IREB2: variants seen among roughly 807,000 people sequenced by gnomAD.
IREB2 encodes iron responsive element binding protein 2, also known as iron-responsive element-binding protein 2.
In IREB2, 39 loss-of-function variants were observed where a neutral mutation model predicts 118.8. The ratio of observed to expected loss-of-function variants is 0.33; its 90% CI spans 0.25 to 0.43. The LOEUF (loss-of-function observed/expected upper bound fraction) is 0.43, where lower values mean the gene tolerates loss of function less well. IREB2 is among the 20% of genes least tolerant of loss of function. IREB2 has a pLI of 1.00. For missense variants in IREB2, 900 were observed against 1,147.3 expected (o/e 0.78, Z 3.11); for synonymous variants, 372 against 392.2 (o/e 0.95, Z 0.61).
chr15:78,462,497 T>C (rs1402534614), intron 2 of IREB2, among the ~76,000 whole-genome samples: 1 of 152,220 alleles, frequency 6.6e-6, no homozygotes, highest in Non-Finnish European at 1.5e-5. Context: ...TGATGGAAAA[T>C]TTTAAATTTA....
intron 1 of IREB2, 23 bp from the exon 2 acceptor site, chr15:78,439,772 T>A: frequency 7.3e-7 from 1 of 1,363,714 alleles, no homozygotes; most frequent in Non-Finnish European, 1.0e-6. Context: ...CTGCATTTAA[T>A]GAAAATACAA....
upstream of IREB2, among the ~76,000 whole-genome samples, chr15:78,437,918 C>T (rs530450756): frequency 5.9e-5 from 9 of 152,244 alleles, no homozygotes; most frequent in Non-Finnish European, 1.0e-4. Context: ...CCAACAGACA[C>T]CTTGCGGGAA....
intron 1 of IREB2, 59 bp downstream of exon 1, chr15:78,438,415 C>A: frequency 6.4e-7 from 1 of 1,559,948 alleles, no homozygotes; most frequent in South Asian, 1.2e-5. Context: ...GCCTAGGCGC[C>A]GAATTCCTTG....
chr15:78,501,279 TA>T lies in IREB2; in HGVS notation c.*3137del, dbSNP rs2141541947. 1 of 152,684 alleles carries T rather than the reference TA, an allele frequency of 6.5e-6. No individual in the cohort carries two copies. The highest frequency in any genetic ancestry group is 2.1e-4 in the South Asian group (1 of 4,830). The allele number at this position is 152,684 out of a possible 1,614,324, so 9.5% of individuals were successfully genotyped here. On this transcript the variant is annotated 3_prime_UTR_variant, in exon 22 of 22. Transcript: ENST00000258886. ...AATCACTTTGTCTATCACTAAGTAA[TA>T]GACAAAAATCATTGTCTATTATTTA...
At chr15:78,438,657 C>G in intron 1 of IREB2, 1 of 486,670 alleles carries the variant, frequency 2.1e-6, no homozygotes, top group Non-Finnish European at 3.7e-6. Flanking sequence ...TTCCTGGCCC[C>G]CGTCAGCAAC....
In IREB2 at chr15:78,488,773, TA is replaced by T; in HGVS notation, c.2076+4del. 1 of 1,463,360 alleles carries T rather than the reference TA, an allele frequency of 6.8e-7. No homozygotes were observed. The highest frequency in any genetic ancestry group is 9.5e-7 in the Non-Finnish European group (1 of 1,052,588). 90.6% of individuals were successfully genotyped at this position (1,463,360 alleles called of 1,614,324 possible). The stretch of plus-strand genomic sequence containing the variant: ...AAAGCATTAAAAGATAAAATAGAAG[TA>T]AGAGTCTTATGTGTTTCTTAAATAG... On this transcript the variant is annotated splice_donor_region_variant and intron_variant, in intron 16 of 21. Transcript: ENST00000258886.
At chr15:78,443,178 A>G (rs1240359989) in intron 2 of IREB2, among the ~76,000 whole-genome samples, 2 of 152,200 alleles carry the variant, frequency 1.3e-5, no homozygotes, top group African/African-American at 2.4e-5. Flanking sequence ...ATAATAACTA[A>G]TAATAAAATA....
At chr15:78,437,840 T>G (rs540872864), upstream of IREB2, 1 of 160,002 alleles carries the variant, frequency 6.2e-6, no homozygotes, top group South Asian at 1.5e-4. Context: ...AATGCAAGGC[T>G]TTATAGTTAG....
rs1369780672 is a variant in IREB2, at chr15:78,483,505, AC to A, written c.1413+74del. 19 of 811,242 alleles carry A rather than the reference AC, an allele frequency of 2.3e-5. No homozygotes were observed. In the Admixed American group the frequency reaches 3.5e-4, roughly 15 times the overall value. 50.3% of individuals were successfully genotyped at this position (811,242 alleles called of 1,614,324 possible). On this transcript the variant is annotated intron_variant, in intron 11 of 21. Transcript: ENST00000258886. ...TAAGTAGTAAAGAACCAACAAGGTG[AC>A]CCATAAACTCAATTCACTGCTATGT...
At chr15:78,495,961 G>T (rs1236522615) in intron 20 of IREB2, among the ~76,000 whole-genome samples, 1 of 152,150 alleles carries the variant, frequency 6.6e-6, no homozygotes, top group Non-Finnish European at 1.5e-5. Context: ...TTTTTCCAGA[G>T]AATAAACCTC....
intron 3 of IREB2, among the ~76,000 whole-genome samples, chr15:78,464,184 C>G (rs1224257372): frequency 3.3e-5 from 5 of 152,238 alleles, no homozygotes; most frequent in Non-Finnish European, 7.3e-5. Flanking sequence ...GTTCTTTACA[C>G]AGTAGATGGA....
intron 20 of IREB2, among the ~76,000 whole-genome samples, chr15:78,496,870 T>C (rs1459360706): frequency 1.3e-5 from 2 of 152,114 alleles, no homozygotes; most frequent in South Asian, 2.1e-4. Flanking sequence ...AGAGCTCTTA[T>C]GATGTGGTAG....
intron 2 of IREB2, among the ~76,000 whole-genome samples, chr15:78,453,086 G>C (rs146733852): frequency 6.6e-6 from 1 of 152,312 alleles, no homozygotes; most frequent in South Asian, 2.1e-4. Flanking sequence ...AGAGCAAGAC[G>C]CTATCGTGTA....
chr15:78,474,087 A>T (rs1157637837), intron 8 of IREB2: 7 of 152,236 alleles, frequency 4.6e-5, no homozygotes. Flanking sequence ...TGTTAAGCAT[A>T]TTAATACACA....
In IREB2 at chr15:78,465,264, A is replaced by G. The variant is rs1042968641; in HGVS notation, c.286A>G (p.Met96Val). The change falls in exon 4 of 22, where the codon ATG (methionine) becomes GTG (valine). Residue 96 changes from methionine to valine, a missense_variant. Coordinates refer to ENST00000258886, the MANE Select transcript of IREB2 (RefSeq NM_004136.4). ...LLQDFTGIPA[M>V]VDFAAMREAV... ...TTTATTTTTTAGTGGAATACCAGCA[A>G]TGGTGGATTTTGCTGCTATGAGGGA... is the stretch of plus-strand genomic sequence containing the variant. 9 of 1,609,842 alleles carry G rather than the reference A, an allele frequency of 5.6e-6. No individual in the cohort carries two copies. The highest frequency in any genetic ancestry group is 7.6e-6 in the Non-Finnish European group (9 of 1,178,680).
At chr15:78,486,632 G>GT in intron 13 of IREB2, among the ~76,000 whole-genome samples, 1 of 152,140 alleles carries the variant, frequency 6.6e-6, no homozygotes, top group East Asian at 1.9e-4. Context: ...AGTAACCTAT[G>GT]TTTTTTATGT....
intron 21 of IREB2, 76 bp from the exon 22 acceptor site, chr15:78,497,957 A>G: frequency 1.3e-6 from 1 of 771,192 alleles, no homozygotes; most frequent in Admixed American, 2.1e-5. Context: ...TTAAATATGA[A>G]GACAAATGGT....
At chr15:78,485,565 AGTG>A in intron 12 of IREB2, 137 bp from the exon 13 acceptor site, 1 of 855,530 alleles carries the variant, frequency 1.2e-6, no homozygotes, top group Admixed American at 2.9e-5. Context: ...AGTAGAATAA[AGTG>A]GACAAAATAA....
At chr15:78,471,715 AT>A in intron 6 of IREB2, 25 bp from the exon 7 acceptor site, 1 of 1,467,348 alleles carries the variant, frequency 6.8e-7, no homozygotes, top group Non-Finnish European at 9.2e-7. Context: ...TAACATTTGT[AT>A]TTCTTAAATT....
Sources: allele counts gnomAD v4.1 joint callset (sites outside exome capture counted in the v4.1 genomes callset), GRCh38; gene constraint gnomAD v4.1.1; transcripts MANE v1.5; gene names NCBI Gene and HGNC (gene_info 2026-07-23, HGNC 2026-07-21).